UNC5C: variants seen among roughly 807,000 people sequenced by gnomAD.
The protein encoded by UNC5C is unc-5 netrin receptor C, also known as netrin receptor UNC5C.
In UNC5C, 47 loss-of-function variants were observed where a neutral mutation model predicts 99.8. The ratio of observed to expected loss-of-function variants is 0.47; its 90% confidence interval spans 0.37 to 0.60. The LOEUF (loss-of-function observed/expected upper bound fraction) is 0.60, where lower values mean the gene tolerates loss of function less well. Ranked by LOEUF, UNC5C falls within the 20% of genes least tolerant of loss-of-function variation. The pLI, the probability that UNC5C is intolerant of heterozygous loss-of-function variation, is 0.00. For missense variants in UNC5C, 1,062 were observed against 1,165.9 expected (o/e 0.91, Z 1.30); for synonymous variants, 487 against 452.2 (o/e 1.08, Z -0.98).
At chr4:95,225,720 T>C (rs769007107) in intron 7 of UNC5C, among the ~76,000 whole-genome samples, 5 of 152,212 alleles carry the variant, frequency 3.3e-5, no homozygotes, top group Non-Finnish European at 7.3e-5. Flanking sequence ...CTAGCCAAAC[T>C]CTTATTTTCC....
At chr4:95,315,204 C>A (rs1479176604) in intron 2 of UNC5C, among the ~76,000 whole-genome samples, 2 of 151,952 alleles carry the variant, frequency 1.3e-5, no homozygotes, top group Non-Finnish European at 2.9e-5. Flanking sequence ...TATTCCATAT[C>A]ATTTAAGTCT....
At chr4:95,541,504 C>T (rs544977397) in intron 1 of UNC5C, among the ~76,000 whole-genome samples, 21 of 152,222 alleles carry the variant, frequency 1.4e-4, no homozygotes, top group African/African-American at 4.8e-4. Context: ...TAAGTGGATA[C>T]TTTTATATCA....
rs1738375637 is a variant in UNC5C, at chr4:95,219,265, C to T, written c.1349G>A (p.Arg450Lys). The change falls in exon 9 of 16, where the codon AGA becomes AAA. Residue 450 changes from arginine to lysine, a missense_variant. By Grantham distance (26) the Arg-to-Lys change is conservative. Coordinates refer to ENST00000453304, the MANE Select transcript of UNC5C (RefSeq NM_003728.4). ...GTCATGCAGGGCATAGACAGGTCCT[C>T]TGTACATGGCTGCAGCTGACGTGAG... ...PDLTSAAAMY[R>K]GPVYALHDVS... is the part of the protein sequence containing the mutation. The T allele has an allele frequency of 6.2e-7, 1 of 1,614,006 alleles. No individual in the cohort carries two copies. Among genetic ancestry groups the T allele is most frequent in the African/African-American group, 1.3e-5 (1 of 74,908 alleles).
At chr4:95,442,209 GT>G (rs1746968870) in intron 1 of UNC5C, among the ~76,000 whole-genome samples, 1 of 151,852 alleles carries the variant, frequency 6.6e-6, no homozygotes, top group South Asian at 2.1e-4. Context: ...TTGTTTATTT[GT>G]TTGTTTGTTT....
chr4:95,225,191 G>A (rs566478666), intron 7 of UNC5C, among the ~76,000 whole-genome samples: 1 of 152,202 alleles, frequency 6.6e-6, no homozygotes, highest in South Asian at 2.1e-4. Context: ...CGAGTGGCTG[G>A]GATTACAGGT....
chr4:95,191,935 C>A (rs1737123835), intron 12 of UNC5C, among the ~76,000 whole-genome samples: 4 of 141,112 alleles, frequency 2.8e-5, no homozygotes, highest in East Asian at 2.3e-4. Context: ...ACCTCCTCCC[C>A]TGCTCACCTC....
intron 1 of UNC5C, among the ~76,000 whole-genome samples, chr4:95,532,359 T>G (rs1722669982): frequency 6.6e-6 from 1 of 151,742 alleles, no homozygotes; most frequent in African/African-American, 2.4e-5. Flanking sequence ...ACCTGGGAAG[T>G]TTCAATGAAC....
chr4:95,325,461 T>C (rs560615886), intron 2 of UNC5C, among the ~76,000 whole-genome samples: 1 of 152,226 alleles, frequency 6.6e-6, no homozygotes, highest in South Asian at 2.1e-4. Context: ...TTGGCAAGAC[T>C]TGATGATCAT....
chr4:95,173,870 C>G (rs1021918142), intron 14 of UNC5C, among the ~76,000 whole-genome samples: 2 of 151,958 alleles, frequency 1.3e-5, no homozygotes, highest in Non-Finnish European at 2.9e-5. Flanking sequence ...CCATCTGGTC[C>G]TGGACTCTTT....
At position 95,425,976 on chromosome 4, in the gene UNC5C, A is replaced by T. The variant is rs562301377; in HGVS notation, c.125-90345T>A. Among the ~76,000 whole-genome samples, 116 of 152,180 alleles carry T rather than the reference A, an allele frequency of 7.6e-4. 1 individual carries two copies. Among genetic ancestry groups the T allele is most frequent in the Admixed American group, 7.3e-3 (112 of 15,292 alleles). On this transcript the variant is annotated intron_variant, in intron 1 of 15. Transcript: ENST00000453304. ...GCAGCACTTCCTTTTACATTTTTTCATTCGGTATCATCCATACCACCTCCA... is the reference window on the plus strand; with the variant it reads ...GCAGCACTTCCTTTTACATTTTTTCTTTCGGTATCATCCATACCACCTCCA...
intron 1 of UNC5C, among the ~76,000 whole-genome samples, chr4:95,429,272 G>C (rs114527571): frequency 0.033 from 3,654 of 111,246 alleles, 54 homozygotes; most frequent in Middle Eastern, 0.048. Context: ...ATAATACTTA[G>C]TGATTCTTAA....
intron 1 of UNC5C, among the ~76,000 whole-genome samples, chr4:95,472,414 A>G (rs265060): frequency 0.24 from 36,626 of 152,064 alleles, 6,314 homozygotes; most frequent in African/African-American, 0.48. Flanking sequence ...GGAGAGGAAT[A>G]CTCATCTTTC....
At chr4:95,457,357 A>T (rs1747469014) in intron 1 of UNC5C, among the ~76,000 whole-genome samples, 1 of 152,124 alleles carries the variant, frequency 6.6e-6, no homozygotes, top group Admixed American at 6.6e-5. Flanking sequence ...GTTTCTTGAA[A>T]AAAAGAAAAC....
At chr4:95,179,857 A>C (rs1294231247) in intron 14 of UNC5C, among the ~76,000 whole-genome samples, 1 of 151,492 alleles carries the variant, frequency 6.6e-6, no homozygotes, top group Admixed American at 6.6e-5. Flanking sequence ...TGATAAACCA[A>C]CTTGGGGATA....
At chr4:95,324,311 T>C (rs1426389636) in intron 2 of UNC5C, among the ~76,000 whole-genome samples, 1 of 152,188 alleles carries the variant, frequency 6.6e-6, no homozygotes, top group Non-Finnish European at 1.5e-5. Flanking sequence ...TATGAGAATC[T>C]AATGCCTGAT....
intron 1 of UNC5C, among the ~76,000 whole-genome samples, chr4:95,387,913 A>T (rs1304084492): frequency 6.6e-6 from 1 of 152,222 alleles, no homozygotes; most frequent in Non-Finnish European, 1.5e-5. Context: ...AGTTAGGCAG[A>T]TAAGTAAAAC....
intron 1 of UNC5C, among the ~76,000 whole-genome samples, chr4:95,422,304 A>G (rs902813404): frequency 1.3e-5 from 2 of 152,254 alleles, no homozygotes; most frequent in Non-Finnish European, 2.9e-5. Flanking sequence ...GGAAAAGAGT[A>G]GGCTGTAGAC....
intron 1 of UNC5C, among the ~76,000 whole-genome samples, chr4:95,379,130 GAAAT>G (rs1744987658): frequency 6.6e-6 from 1 of 152,138 alleles, no homozygotes; most frequent in Non-Finnish European, 1.5e-5. Flanking sequence ...AGACAATAAA[GAAAT>G]AGTCTGATCA....
At position 95,272,354 on chromosome 4, in the gene UNC5C, A is replaced by C. The variant is rs369825332; in HGVS notation, c.594+5905T>G. ...TAGGCTTAAAGCAACCACTAAGTAC[A>C]TGCAAAAATCAAGCCACAGATGTAT... On this transcript the variant is annotated intron_variant, in intron 4 of 15. Coordinates refer to ENST00000453304, the MANE Select transcript of UNC5C (RefSeq NM_003728.4). 1.2e-4 allele frequency among the ~76,000 whole-genome samples: 18 copies of C among 152,374 alleles called. No homozygotes were observed. The South Asian group carries it at 3.7e-3, about 32-fold the overall frequency.
Sources: allele counts gnomAD v4.1 joint callset (sites outside exome capture counted in the v4.1 genomes callset), GRCh38; gene constraint gnomAD v4.1.1; transcripts MANE v1.5; gene names NCBI Gene and HGNC (gene_info 2026-07-23, HGNC 2026-07-21).